Variants in GPC5 observed in about 807,000 individuals in gnomAD.
The protein encoded by GPC5 is glypican-5.
GPC5 carries 47 observed loss-of-function variants against 53.9 expected under a neutral mutation model. The observed-to-expected ratio is 0.87, with a 90% CI of 0.69 to 1.11. The LOEUF (loss-of-function observed/expected upper bound fraction) is 1.11. GPC5 is among the 50% of genes most tolerant of loss of function. The pLI, the probability that GPC5 is intolerant of heterozygous loss-of-function variation, is 0.00. For synonymous variants in GPC5, 286 were observed against 263.3 expected, an observed-to-expected ratio of 1.09 and a Z score of -0.84; for missense variants, 748 against 713.1, an observed-to-expected ratio of 1.05 and a Z score of -0.56.
At chr13:92,399,565 C>T (rs968876834) in intron 7 of GPC5, among the ~76,000 whole-genome samples, 2 of 152,058 alleles carry the variant, frequency 1.3e-5, no homozygotes, top group African/African-American at 2.4e-5. Context: ...AAAACCATGA[C>T]GCAGAGGCCT....
intron 7 of GPC5, among the ~76,000 whole-genome samples, chr13:92,505,935 C>G (rs1332537763): frequency 6.6e-6 from 1 of 151,986 alleles, no homozygotes; most frequent in Non-Finnish European, 1.5e-5. Flanking sequence ...GAAAACAGAT[C>G]AGTGGTTGAC....
At chr13:91,564,848 A>G (rs1258888293) in intron 2 of GPC5, among the ~76,000 whole-genome samples, 1 of 152,172 alleles carries the variant, frequency 6.6e-6, no homozygotes, top group Admixed American at 6.5e-5. Flanking sequence ...TTCAAATTAT[A>G]CTGTATAGTA....
intron 7 of GPC5, among the ~76,000 whole-genome samples, chr13:92,303,986 T>C (rs1262346127): frequency 6.6e-6 from 1 of 152,182 alleles, no homozygotes; most frequent in Non-Finnish European, 1.5e-5. Flanking sequence ...GTAGCATCTA[T>C]AACTGATGTC....
At chr13:92,607,664 A>C (rs182135089) in intron 7 of GPC5, among the ~76,000 whole-genome samples, 329 of 152,270 alleles carry the variant, frequency 2.2e-3, no homozygotes, top group African/African-American at 7.1e-3. Context: ...GATAAATAAA[A>C]TTATATATAT....
chr13:91,436,563 A>C (rs1241447083), intron 1 of GPC5, among the ~76,000 whole-genome samples: 6 of 151,954 alleles, frequency 3.9e-5, no homozygotes, highest in Admixed American at 3.3e-4. Flanking sequence ...AGTTTGTTAT[A>C]ATTTCTGTTC....
chr13:91,469,074 C>T (rs1944049728), intron 2 of GPC5, among the ~76,000 whole-genome samples: 1 of 151,270 alleles, frequency 6.6e-6, no homozygotes, highest in Non-Finnish European at 1.5e-5. Context: ...TCTCTTGTCT[C>T]TTCTCTCTTT....
chr13:91,525,324 T>C (rs919528301), intron 2 of GPC5, among the ~76,000 whole-genome samples: 4 of 152,234 alleles, frequency 2.6e-5, no homozygotes, highest in Non-Finnish European at 2.9e-5. Flanking sequence ...AGATCTTATA[T>C]GCCTTACTAA....
intron 7 of GPC5, among the ~76,000 whole-genome samples, chr13:92,583,878 A>T (rs1883447582): frequency 6.6e-6 from 1 of 151,908 alleles, no homozygotes; most frequent in Non-Finnish European, 1.5e-5. Flanking sequence ...ACAGGATCTG[A>T]TGGTCATTAT....
At chr13:91,418,338 T>A (rs758252437) in intron 1 of GPC5, among the ~76,000 whole-genome samples, 1 of 152,134 alleles carries the variant, frequency 6.6e-6, no homozygotes, top group Non-Finnish European at 1.5e-5. Flanking sequence ...TAGAAATGAA[T>A]AAACGTCTCT....
chr13:92,543,388 T>C (rs1881991040), intron 7 of GPC5, among the ~76,000 whole-genome samples: 1 of 151,512 alleles, frequency 6.6e-6, no homozygotes, highest in African/African-American at 2.4e-5. Flanking sequence ...TGTATTCTCT[T>C]GTGTCTCAAT....
At chr13:92,769,539 A>G (rs1875533956) in intron 7 of GPC5, among the ~76,000 whole-genome samples, 1 of 152,082 alleles carries the variant, frequency 6.6e-6, no homozygotes, top group South Asian at 2.1e-4. Context: ...AGAGTTCGAG[A>G]CCAACCTGGG....
At chr13:92,717,925 T>G (rs1057498169) in intron 7 of GPC5, among the ~76,000 whole-genome samples, 1 of 151,958 alleles carries the variant, frequency 6.6e-6, no homozygotes, top group Admixed American at 6.6e-5. Flanking sequence ...AATCTAATAA[T>G]CTGATTAAAA....
intron 5 of GPC5, among the ~76,000 whole-genome samples, chr13:91,837,072 T>C (rs972314822): frequency 2.0e-5 from 3 of 150,032 alleles, no homozygotes; most frequent in Admixed American, 2.0e-4. Flanking sequence ...TATTTATTGA[T>C]TTGAATTTAT....
intron 7 of GPC5, among the ~76,000 whole-genome samples, chr13:92,762,946 T>C (rs1875245857): frequency 6.6e-6 from 1 of 152,038 alleles, no homozygotes; most frequent in Admixed American, 6.6e-5. Context: ...GCCCCAAGAT[T>C]TCTGTTTCCT....
At chr13:92,006,978 C>T (rs2040613054) in intron 6 of GPC5, among the ~76,000 whole-genome samples, 1 of 140,892 alleles carries the variant, frequency 7.1e-6, no homozygotes, top group South Asian at 2.1e-4. Flanking sequence ...TATCTTCAAT[C>T]ATATTGCTTA....
chr13:92,470,493 TTAGA>T (rs1414059404), intron 7 of GPC5, among the ~76,000 whole-genome samples: 1 of 152,018 alleles, frequency 6.6e-6, no homozygotes, highest in East Asian at 1.9e-4. Flanking sequence ...GAACATGAGT[TTAGA>T]TAGCCCTAAA....
Position 91,645,021 on chromosome 13 carries a change from A to G in GPC5, c.326-48166A>G, listed in dbSNP as rs369378776. ...TTTGTGCTCATAAAGCTGTGTGTTT[A>G]TATGTTGAAATATGGCTGAATGGAA... On this transcript the variant is annotated intron_variant, in intron 2 of 7. Coordinates refer to ENST00000377067, the MANE Select transcript of GPC5 (RefSeq NM_004466.6). 1.3e-3 allele frequency among the ~76,000 whole-genome samples: 205 copies of G among 152,352 alleles called. 3 individuals carry two copies. The South Asian group carries it at 0.04, about 30-fold the overall frequency.
At chr13:91,881,066 C>T (rs915196826) in intron 5 of GPC5, among the ~76,000 whole-genome samples, 2 of 152,118 alleles carry the variant, frequency 1.3e-5, no homozygotes, top group Non-Finnish European at 2.9e-5. Context: ...GCGGGGATTA[C>T]AGGGGTAAGC....
At chr13:92,276,492 C>T (rs778684518) in intron 7 of GPC5, among the ~76,000 whole-genome samples, 82 of 152,006 alleles carry the variant, frequency 5.4e-4, no homozygotes, top group Non-Finnish European at 1.1e-3. Flanking sequence ...ATTCAAAAAA[C>T]ACAATATTTA....
Sources: allele counts gnomAD v4.1 joint callset (sites outside exome capture counted in the v4.1 genomes callset), GRCh38; gene constraint gnomAD v4.1.1; transcripts MANE v1.5; gene names NCBI Gene and HGNC (gene_info 2026-07-23, HGNC 2026-07-21).